TMEM220: variants seen among roughly 807,000 people sequenced by gnomAD.
TMEM220 encodes transmembrane protein 220.
TMEM220 carries 21 observed loss-of-function variants against 21.7 expected under a neutral mutation model. That is an observed-to-expected ratio of 0.97 (90% confidence interval 0.69 to 1.39). The LOEUF (loss-of-function observed/expected upper bound fraction) is 1.39, where lower values mean the gene tolerates loss of function less well. Ranked by LOEUF, TMEM220 falls within the 40% of genes most tolerant of loss-of-function variation. The probability of loss-of-function intolerance (pLI) is 0.00; values close to 1 mark genes in which losing one functional copy is unlikely to be tolerated. For missense variants in TMEM220, 191 were observed against 201.9 expected (o/e 0.95, Z 0.33); for synonymous variants, 80 against 73.6 (o/e 1.09, Z -0.45).
chr17:10,729,979 G>T lies in TMEM220; in HGVS notation c.-128C>A, dbSNP rs2075109621. ...CCCCGCCTCGGTTTCGGTGCCTTGG[G>T]GACACTGCCGTGGCCGTCGCTCCGC... On this transcript the variant is annotated 5_prime_UTR_variant, in exon 1 of 6. Coordinates refer to ENST00000341871, the MANE Select transcript of TMEM220 (RefSeq NM_001004313.3). 8.2e-7 allele frequency: 1 copy of T among 1,214,540 alleles called. No homozygotes were observed. Among genetic ancestry groups the T allele is most frequent in the Non-Finnish European group, 1.0e-6 (1 of 981,328 alleles). 75.2% of individuals were successfully genotyped at this position (1,214,540 alleles called of 1,614,324 possible).
At chr17:10,721,093 C>T (rs1430835231) in intron 5 of TMEM220, among the ~76,000 whole-genome samples, 5 of 152,124 alleles carry the variant, frequency 3.3e-5, no homozygotes, top group Non-Finnish European at 7.3e-5. Context: ...ACGAACATTG[C>T]AAACACTGTT....
At position 10,714,823 on chromosome 17, in the gene TMEM220, A is replaced by T. The variant is rs942631601; in HGVS notation, c.*630T>A. ...GTAGTCGTAGCTTCTTGGGAGGCTG[A>T]GGTAGGAGGATCACCTGAGCCCCGG... On this transcript the variant is annotated 3_prime_UTR_variant, in exon 6 of 6. Transcript: ENST00000341871. 1.3e-5 allele frequency: 2 copies of T among 151,978 alleles called. No individual in the cohort carries two copies. The highest frequency in any genetic ancestry group is 2.4e-5 in the African/African-American group (1 of 41,314). The allele number at this position is 151,978 out of a possible 1,614,324, so 9.4% of individuals were successfully genotyped here. A position where few individuals can be genotyped will look rare whatever the true frequency, so the allele number is the denominator to read the frequency against.
At chr17:10,717,757 C>T (rs1001432283) in intron 5 of TMEM220, among the ~76,000 whole-genome samples, 4 of 152,012 alleles carry the variant, frequency 2.6e-5, no homozygotes, top group African/African-American at 9.7e-5. Context: ...ATTATGTAGA[C>T]ATCTCCAGCT....
At chr17:10,726,923 G>A (rs1228823039) in intron 2 of TMEM220, among the ~76,000 whole-genome samples, 1 of 152,194 alleles carries the variant, frequency 6.6e-6, no homozygotes, top group Non-Finnish European at 1.5e-5. Flanking sequence ...AGTAGGGAGG[G>A]TGGGTTTATA....
chr17:10,726,564 G>A (rs977961972), intron 2 of TMEM220, among the ~76,000 whole-genome samples: 2 of 152,126 alleles, frequency 1.3e-5, no homozygotes, highest in African/African-American at 2.4e-5. Context: ...CTTTCCAGTC[G>A]CTCCCAAGCA....
intron 5 of TMEM220, 63 bp downstream of exon 5, chr17:10,723,207 C>T (rs1254165798): frequency 9.1e-6 from 13 of 1,421,160 alleles, no homozygotes; most frequent in Non-Finnish European, 1.3e-5. Context: ...TCTTGATCTC[C>T]TGACCTCGTG....
chr17:10,722,146 C>T (rs1232279677), intron 5 of TMEM220, among the ~76,000 whole-genome samples: 4 of 152,112 alleles, frequency 2.6e-5, no homozygotes, highest in Non-Finnish European at 4.4e-5. Context: ...GTGACCAACA[C>T]CACGCCTGGC....
chr17:10,712,897 G>A (rs933322314), downstream of TMEM220, among the ~76,000 whole-genome samples: 1 of 152,220 alleles, frequency 6.6e-6, no homozygotes, highest in Non-Finnish European at 1.5e-5. Context: ...AGCCCTTAGG[G>A]CTTTCTGAGC....
intron 5 of TMEM220, among the ~76,000 whole-genome samples, chr17:10,715,823 CATTG>C (rs1567584069): frequency 6.6e-6 from 1 of 152,118 alleles, no homozygotes; most frequent in African/African-American, 2.4e-5. Flanking sequence ...GAAGAGAAGT[CATTG>C]ATTAATTTGA....
chr17:10,711,238 G>C (rs2074851482), downstream of TMEM220: 7 of 962,522 alleles, frequency 7.3e-6, no homozygotes, highest in South Asian at 1.2e-4. Context: ...TTAGTATTCA[G>C]CTTGCATAAC....
In TMEM220 at chr17:10,729,879, G is replaced by C. The variant is rs1335136258; in HGVS notation, c.-28C>G. On this transcript the variant is annotated 5_prime_UTR_variant, in exon 1 of 6. Coordinates refer to ENST00000341871, the MANE Select transcript of TMEM220 (RefSeq NM_001004313.3). ...CTCGGAGAACACGGCGCGGGGCGGT[G>C]AGTCCTGCCACGTGCGGGGCGGTGA... The C allele has an allele frequency of 2.3e-6, 3 of 1,289,734 alleles. No homozygotes were observed. Among genetic ancestry groups the C allele is most frequent in the Non-Finnish European group, 2.9e-6 (3 of 1,021,204 alleles). 79.9% of individuals were successfully genotyped at this position (1,289,734 alleles called of 1,614,324 possible). A position where few individuals can be genotyped will look rare whatever the true frequency, so the allele number is the denominator to read the frequency against.
chr17:10,726,322 T>C (rs756943870), intron 2 of TMEM220, 58 bp from the exon 3 acceptor site: 20 of 1,328,272 alleles, frequency 1.5e-5, no homozygotes, highest in Non-Finnish European at 2.1e-5. Flanking sequence ...ATATATGAGA[T>C]GTTCAGAGAT....
intron 1 of TMEM220, among the ~76,000 whole-genome samples, chr17:10,729,480 G>C (rs1183898712): frequency 6.6e-6 from 1 of 152,184 alleles, no homozygotes; most frequent in Non-Finnish European, 1.5e-5. Flanking sequence ...TGTCGTCCGC[G>C]GGCCGGACGT....
Position 10,725,130 on chromosome 17 carries a change from A to G in TMEM220, c.168T>C (p.Asn56=), listed in dbSNP as rs2075035001. 3 of 1,613,936 alleles carry G rather than the reference A, an allele frequency of 1.9e-6. No individual in the cohort carries two copies. The highest frequency in any genetic ancestry group is 2.7e-5 in the African/African-American group (2 of 74,932). ...LVGLNPEVTG[N]VIWKSISAIH... is the part of the protein sequence containing the mutation. ...TTGCAGAGATACTTTTCCAAATAAC[A>G]TTACCTAAAAATAGATGTTCTGATG... Residue 56 remains asparagine, a synonymous_variant, in exon 4 of 6, where the codon AAT becomes AAC. Coordinates refer to ENST00000341871, the MANE Select transcript of TMEM220 (RefSeq NM_001004313.3).
chr17:10,713,699 A>T lies in TMEM220; in HGVS notation c.*1754T>A, dbSNP rs1017687720. Reference sequence around the variant, plus strand: ...CTTAAGTTTCACTTTGACTGTTTTAATATCAACTAGATTTGTTTTCCCCCT... The same window carrying T: ...CTTAAGTTTCACTTTGACTGTTTTATTATCAACTAGATTTGTTTTCCCCCT... On this transcript the variant is annotated 3_prime_UTR_variant, in exon 6 of 6. Coordinates refer to ENST00000341871, the MANE Select transcript of TMEM220 (RefSeq NM_001004313.3). 6.6e-6 allele frequency: 1 copy of T among 152,208 alleles called. No individual in the cohort carries two copies. The highest frequency in any genetic ancestry group is 1.9e-4 in the East Asian group (1 of 5,194). 9.4% of individuals were successfully genotyped at this position (152,208 alleles called of 1,614,324 possible). A position where few individuals can be genotyped will look rare whatever the true frequency, so the allele number is the denominator to read the frequency against.
chr17:10,715,997 C>T, intron 5 of TMEM220: 1 of 280,384 alleles, frequency 3.6e-6, no homozygotes, highest in East Asian at 7.3e-5. Flanking sequence ...AAATATACTG[C>T]CCTGACACAA....
chr17:10,723,633 A>G (rs549312743), intron 4 of TMEM220, among the ~76,000 whole-genome samples: 8 of 152,332 alleles, frequency 5.3e-5, no homozygotes, highest in African/African-American at 1.9e-4. Context: ...AAATCCACAG[A>G]TACATCACTT....
At chr17:10,715,998 C>T (rs1597523325) in intron 5 of TMEM220, 2 of 273,830 alleles carry the variant, frequency 7.3e-6, no homozygotes, top group East Asian at 7.4e-5. Flanking sequence ...AATATACTGC[C>T]CTGACACAAA....
chr17:10,724,255 A>C (rs895481435), intron 4 of TMEM220, among the ~76,000 whole-genome samples: 7 of 152,196 alleles, frequency 4.6e-5, no homozygotes, highest in African/African-American at 1.7e-4. Context: ...GACACAAGAC[A>C]TACCAGGGCA....
Sources: allele counts gnomAD v4.1 joint callset (sites outside exome capture counted in the v4.1 genomes callset), GRCh38; gene constraint gnomAD v4.1.1; transcripts MANE v1.5; gene names NCBI Gene and HGNC (gene_info 2026-07-23, HGNC 2026-07-21).